CGN: variants seen among roughly 807,000 people sequenced by gnomAD.
The protein encoded by CGN is cingulin.
In CGN, 121 loss-of-function variants were observed where a neutral mutation model predicts 157.1. The observed-to-expected ratio is 0.77, with a 90% confidence interval of 0.66 to 0.90. The LOEUF (loss-of-function observed/expected upper bound fraction) is 0.90. Ranked by LOEUF, CGN falls within the 40% of genes least tolerant of loss-of-function variation. The pLI, the probability that CGN is intolerant of heterozygous loss-of-function variation, is 0.00. For missense variants in CGN, 1,424 were observed against 1,520.9 expected, an observed-to-expected ratio of 0.94 and a Z score of 1.06; for synonymous variants, 535 against 607.5, an observed-to-expected ratio of 0.88 and a Z score of 1.76.
rs773596743 is a variant in CGN at position 151,519,218 on chromosome 1, CCA to C, written c.701_702del (p.His234LeufsTer4). The part of the protein sequence containing the change: ...FEERERQSTN[H>X]WTSSTKYDNH... ...AGGAACGGGAGCGCCAGTCCACCAA[CCA>C]CTGGACCTCTAGCACAAAATATGAC... On this transcript the variant is annotated frameshift_variant, in exon 2 of 21. Transcript: ENST00000271636. LOFTEE classifies it high-confidence loss of function. The C allele has an allele frequency of 5.0e-6, 8 of 1,614,140 alleles. No homozygotes were observed. The East Asian group carries it at 1.6e-4, about 31-fold the overall frequency.
intron 9 of CGN, 38 bp downstream of exon 9, chr1:151,525,828 A>G (rs761282799): frequency 4.4e-6 from 6 of 1,358,950 alleles, no homozygotes; most frequent in East Asian, 5.5e-5. Flanking sequence ...CCCATGATTC[A>G]TATGCCACTT....
Position 151,536,040 on chromosome 1 carries a change from T to TAG in CGN, c.3197+147_3197+148dup, listed in dbSNP as rs1216157868. On this transcript the variant is annotated intron_variant, in intron 18 of 20. Coordinates refer to ENST00000271636, the MANE Select transcript of CGN (RefSeq NM_020770.3). Reference sequence around the variant, plus strand: ...ATCTTTAGGGAACACTTTCTCCTGATAGAGAGCAAAGAGTGTTGCAGAAAT... The same window carrying TAG: ...ATCTTTAGGGAACACTTTCTCCTGATAGAGAGAGCAAAGAGTGTTGCAGAAAT... The TAG allele has an allele frequency of 4.1e-6, 3 of 728,490 alleles. No individual in the cohort carries two copies. In the African/African-American group the frequency reaches 5.3e-5, roughly 13 times the overall value. 45.1% of individuals were successfully genotyped at this position (728,490 alleles called of 1,614,324 possible).
rs1664898737 is a variant in CGN, at chr1:151,533,971, C to G, written c.2743-4C>G. 1 of 1,604,950 alleles carries G rather than the reference C, an allele frequency of 6.2e-7. No homozygotes were observed. The highest frequency in any genetic ancestry group is 8.5e-7 in the Non-Finnish European group (1 of 1,177,334). On this transcript the variant is annotated splice_region_variant and splice_polypyrimidine_tract_variant and intron_variant, in intron 14 of 20. Transcript: ENST00000271636. ...GAGCTGTGGCATTTTTACCCCCTGC[C>G]CAGATCCAGAGGCTGCGGCAGGCCC...
In CGN at chr1:151,532,431, A is replaced by C. The variant is rs759202286; in HGVS notation, c.2601A>C (p.Gln867His). Residue 867 changes from glutamine (Q) to histidine (H), a missense_variant, in exon 14 of 21, where the codon CAA (glutamine) becomes CAC (histidine). Gln to His is a conservative substitution (Grantham distance 24). Around this residue, in one of 3 missense-constraint regions of CGN, gnomAD observed 1,187 missense variants for 1,217.6 expected, o/e 0.97. Coordinates refer to ENST00000271636, the MANE Select transcript of CGN (RefSeq NM_020770.3). Reference sequence around the variant, plus strand: ...AGAAGATCGGGGAGGACTCTAAGCAAGCCCTGCAGCAGCTCCAGGCCCAGC... The same window carrying C: ...AGAAGATCGGGGAGGACTCTAAGCACGCCCTGCAGCAGCTCCAGGCCCAGC... ...ELEKIGEDSK[Q>H]ALQQLQAQLE... 2 of 1,590,330 alleles carry C rather than the reference A, an allele frequency of 1.3e-6. No individual in the cohort carries two copies. Among genetic ancestry groups the C allele is most frequent in the East Asian group, 4.5e-5 (2 of 44,030 alleles).
chr1:151,532,585 T>A lies in CGN; in HGVS notation c.2742+13T>A. On this transcript the variant is annotated intron_variant, in intron 14 of 20. Transcript: ENST00000271636. The stretch of plus-strand genomic sequence containing the variant: ...ACTTCAGGATGAGGTAGAAGTCTAA[T>A]ATCCTTGGGTTTGAAGGTCCTTGCC... 6.9e-6 allele frequency: 10 copies of A among 1,442,308 alleles called. No homozygotes were observed. The highest frequency in any genetic ancestry group is 9.2e-6 in the Non-Finnish European group (10 of 1,091,158). 89.3% of individuals were successfully genotyped at this position (1,442,308 alleles called of 1,614,324 possible).
At chr1:151,528,577 C>T (rs140216580) in intron 10 of CGN, among the ~76,000 whole-genome samples, 265 of 152,020 alleles carry the variant, frequency 1.7e-3, no homozygotes, top group Non-Finnish European at 2.8e-3. Context: ...CCACCACGCC[C>T]GGCTAATTTT....
In CGN at chr1:151,524,862, C is replaced by T. The variant is rs1414576110; in HGVS notation, c.1590C>T (p.Arg530=). The change falls in exon 8 of 21, where the codon CGC becomes CGT. Residue 530 remains arginine (R), a synonymous_variant. Coordinates refer to ENST00000271636, the MANE Select transcript of CGN (RefSeq NM_020770.3). The surrounding 1 kb of genome is among the most constrained non-coding windows in gnomAD (Gnocchi z 4.4). Reference sequence around the variant, plus strand: ...ACCAGCGAGACACAGAGCAGCTCCGCAGGAGCATGCAAGATGCAACCCAGG... The same window carrying T: ...ACCAGCGAGACACAGAGCAGCTCCGTAGGAGCATGCAAGATGCAACCCAGG... ...QQYQRDTEQL[R]RSMQDATQDH... 6.2e-7 allele frequency: 1 copy of T among 1,611,500 alleles called. No homozygotes were observed. Among genetic ancestry groups the T allele is most frequent in the Admixed American group, 1.7e-5 (1 of 59,704 alleles).
intron 13 of CGN, 119 bp from the exon 14 acceptor site, chr1:151,532,282 GA>G (rs1328201424): frequency 1.5e-6 from 1 of 684,948 alleles, no homozygotes; most frequent in Non-Finnish European, 2.3e-6. Context: ...CTAGGCCCAG[GA>G]AAGAGCAAGA....
In CGN at chr1:151,532,722, C is replaced by T. The variant is rs528613967; in HGVS notation, c.2742+150C>T. The T allele has an allele frequency of 1.4e-4, 78 of 547,582 alleles. 2 individuals are homozygous for T. The highest frequency in any genetic ancestry group is 1.1e-3 in the Middle Eastern group (2 of 1,850). 33.9% of individuals were successfully genotyped at this position (547,582 alleles called of 1,614,324 possible). A position where few individuals can be genotyped will look rare whatever the true frequency, so the allele number is the denominator to read the frequency against. ...GCAAGCTCTGCCTCCGGGGTTCACA[C>T]CATTCTCCTGCCTCAGCCTCACAAG... On this transcript the variant is annotated intron_variant, in intron 14 of 20. Coordinates refer to ENST00000271636, the MANE Select transcript of CGN (RefSeq NM_020770.3).
At chr1:151,535,947 C>T (rs1365946030) in intron 18 of CGN, 49 bp downstream of exon 18, 2 of 1,454,416 alleles carry the variant, frequency 1.4e-6, no homozygotes, top group Middle Eastern at 2.3e-4. Context: ...TTCTTCCTCC[C>T]TCCCTCTTGG....
chr1:151,534,037 C>G lies in CGN; in HGVS notation c.2805C>G (p.Asp935Glu). 1 of 1,613,700 alleles carries G rather than the reference C, an allele frequency of 6.2e-7. No individual in the cohort carries two copies. The highest frequency in any genetic ancestry group is 8.5e-7 in the Non-Finnish European group (1 of 1,179,940). Reference protein sequence around the residue: ...SQAERDTARLDKELLAQRLQG... With the variant: ...SQAERDTARLEKELLAQRLQG... ...CTGAGCGGGACACAGCCCGGCTGGA[C>G]AAAGAGCTACTGGCCCAGCGACTGC... The change falls in exon 15 of 21, where the codon GAC becomes GAG. Residue 935 changes from aspartate (D) to glutamate (E), a missense_variant. By Grantham distance (45) the Asp-to-Glu change is conservative. Coordinates refer to ENST00000271636, the MANE Select transcript of CGN (RefSeq NM_020770.3).
At chr1:151,529,222 A>G (rs2096232) in intron 10 of CGN, 128 bp from the exon 11 acceptor site, 706,916 of 722,232 alleles carry the variant, frequency 0.98, 347,444 homozygotes, top group East Asian at 1. Context: ...AGAAACTGCC[A>G]AACTACTTTC....
In CGN at chr1:151,519,121, C is replaced by G; in HGVS notation, c.602C>G (p.Thr201Arg). Residue 201 changes from threonine (T) to arginine (R), a missense_variant, in exon 2 of 21, where the codon ACA (threonine) becomes AGA (arginine). Thr to Arg is a moderately conservative substitution (Grantham distance 71, BLOSUM62 -1). Coordinates refer to ENST00000271636, the MANE Select transcript of CGN (RefSeq NM_020770.3). The stretch of plus-strand genomic sequence containing the variant: ...GCCCGGGGTCGGACTGGCCGCCGAA[C>G]ACGGATGCTACCCCCTGAACAGCGC... ...GQARGRTGRR[T>R]RMLPPEQRKR... 1 of 1,614,110 alleles carries G rather than the reference C, an allele frequency of 6.2e-7. No individual in the cohort carries two copies. The highest frequency in any genetic ancestry group is 8.5e-7 in the Non-Finnish European group (1 of 1,180,050).
intron 10 of CGN, chr1:151,528,059 C>T (rs561996136): frequency 6.6e-5 from 10 of 151,478 alleles, no homozygotes; most frequent in South Asian, 2.1e-4. Flanking sequence ...GGGTTCACGC[C>T]GTTCTCCTGC....
intron 1 of CGN, among the ~76,000 whole-genome samples, chr1:151,513,987 T>G (rs1664355526): frequency 6.6e-6 from 1 of 152,230 alleles, no homozygotes; most frequent in South Asian, 2.1e-4. Context: ...TGATCACTGT[T>G]TACCTGCCTG....
chr1:151,527,290 G>T (rs139521046), intron 10 of CGN, among the ~76,000 whole-genome samples, 183 bp downstream of exon 10: 2 of 152,264 alleles, frequency 1.3e-5, no homozygotes, highest in African/African-American at 4.8e-5. Flanking sequence ...GAGCATAGAG[G>T]TTTCTAATGG....
rs535226694 is a variant in CGN, at chr1:151,512,838, A to G, written c.-15+1323A>G. Among the ~76,000 whole-genome samples the G allele has an allele frequency of 9.8e-5, 15 of 152,330 alleles. No individual in the cohort carries two copies. In the East Asian group the frequency reaches 2.3e-3, roughly 24 times the overall value. On this transcript the variant is annotated intron_variant, in intron 1 of 20. Transcript: ENST00000271636. ...TAATCCAGAGATTTGCCCGACTCTA[A>G]GAGGATTCTGGCTTCCTAGAACCCT...
At chr1:151,529,669 C>T in intron 11 of CGN, 110 bp downstream of exon 11, 1 of 1,016,292 alleles carries the variant, frequency 9.8e-7, no homozygotes, top group Non-Finnish European at 1.5e-6. Context: ...CTGACCAGCT[C>T]CTGGGTCCTA....
intron 10 of CGN, 28 bp downstream of exon 10, chr1:151,527,135 T>C: frequency 6.2e-7 from 1 of 1,613,482 alleles, no homozygotes; most frequent in Non-Finnish European, 8.5e-7. Flanking sequence ...GGCAGAATGG[T>C]AGGTAGGGGT....
Sources: gnomAD v4.1 joint callset for allele counts (sites outside exome capture counted in the v4.1 genomes callset) on GRCh38, gnomAD v4.1.1 for gene constraint, gnomAD v4.1.1 regional missense constraint, Gnocchi (gnomAD v3.1) non-coding constraint, MANE v1.5 for transcripts, NCBI Gene and HGNC (gene_info 2026-07-23, HGNC 2026-07-21) for gene names.